The following NT5C2 variants were observed in gnomAD, a reference collection of about 807,000 sequenced individuals.
The protein encoded by NT5C2 is cytosolic purine 5'-nucleotidase.
NT5C2 carries 58 observed loss-of-function variants against 76.1 expected under a neutral mutation model. That is an observed-to-expected ratio of 0.76 (90% CI 0.62 to 0.95). The LOEUF (loss-of-function observed/expected upper bound fraction) is 0.95, where lower values mean the gene tolerates loss of function less well. Ranked by LOEUF, NT5C2 falls within the 40% of genes least tolerant of loss-of-function variation. NT5C2 has a pLI of 0.00. For missense variants in NT5C2, 478 were observed against 690.3 expected (o/e 0.69, Z 3.45); for synonymous variants, 229 against 237.4 (o/e 0.96, Z 0.32).
rs545436466 is a variant in NT5C2 at position 103,176,683 on chromosome 10, C to T, written c.-24-1701G>A. Among the ~76,000 whole-genome samples, 16 of 152,202 alleles carry T rather than the reference C, an allele frequency of 1.1e-4. No homozygotes were observed. The East Asian group carries it at 1.9e-3, about 18-fold the overall frequency. Reference sequence around the variant, plus strand: ...AGTAGCTGGGACCACAGGCAGAGACCGGGGCGAGGGGGTCTCTACAAAAAG... The same window carrying T: ...AGTAGCTGGGACCACAGGCAGAGACTGGGGCGAGGGGGTCTCTACAAAAAG... On this transcript the variant is annotated intron_variant, in intron 2 of 18. Coordinates refer to ENST00000404739, the MANE Select transcript of NT5C2 (RefSeq NM_001351169.2).
At chr10:103,095,199 A>G (rs1203410280) in intron 12 of NT5C2, among the ~76,000 whole-genome samples, 1 of 152,194 alleles carries the variant, frequency 6.6e-6, no homozygotes, top group Non-Finnish European at 1.5e-5. Flanking sequence ...TCTCAGAATG[A>G]TGGCTCTAGG....
In NT5C2 at chr10:103,093,322, A is replaced by C. The variant is rs374338400; in HGVS notation, c.989-13T>G. The C allele has an allele frequency of 3.9e-5, 60 of 1,530,016 alleles. No individual in the cohort carries two copies. Among genetic ancestry groups the C allele is most frequent in the African/African-American group, 7.0e-5 (5 of 71,110 alleles). The allele number at this position is 1,530,016 out of a possible 1,614,324, so 94.8% of individuals were successfully genotyped here. On this transcript the variant is annotated splice_polypyrimidine_tract_variant and intron_variant, in intron 14 of 18. Coordinates refer to ENST00000404739, the MANE Select transcript of NT5C2 (RefSeq NM_001351169.2). ...GTATCAGAAGAACCTGAACCAACAG[A>C]GTGAACAATGAGAAAACTGTCCCTA...
intron 3 of NT5C2, among the ~76,000 whole-genome samples, chr10:103,157,839 C>G (rs1428817964): frequency 1.3e-5 from 2 of 152,066 alleles, no homozygotes; most frequent in Non-Finnish European, 2.9e-5. Context: ...CTCTGGGAGG[C>G]TGAGGCGGAC....
chr10:103,151,473 A>C lies in NT5C2; in HGVS notation c.102-11994T>G, dbSNP rs184448867. Among the ~76,000 whole-genome samples, 949 of 151,442 alleles carry C rather than the reference A, an allele frequency of 6.3e-3. 5 individuals carry two copies. The highest frequency in any genetic ancestry group is 0.02 in the African/African-American group (822 of 41,312). On this transcript the variant is annotated intron_variant, in intron 3 of 18. Coordinates refer to ENST00000404739, the MANE Select transcript of NT5C2 (RefSeq NM_001351169.2). ...GAGTGAAACCTGTTCTTAAAAAAAA[A>C]AAAAAACACTAGCCTCTCGCCATTG...
intron 1 of NT5C2, among the ~76,000 whole-genome samples, chr10:103,182,592 G>A (rs1474738519): frequency 3.3e-5 from 5 of 151,426 alleles, no homozygotes; most frequent in East Asian, 1.9e-4. Context: ...CCGAGATCCC[G>A]CCACTGTACT....
intron 9 of NT5C2, 43 bp from the exon 10 acceptor site, chr10:103,099,027 A>G (rs2068887467): frequency 1.4e-6 from 2 of 1,458,942 alleles, no homozygotes; most frequent in East Asian, 4.6e-5. Flanking sequence ...GAACAAAATC[A>G]GTTTTTAACA....
At chr10:103,133,470 A>G (rs2078619693) in intron 4 of NT5C2, among the ~76,000 whole-genome samples, 2 of 152,266 alleles carry the variant, frequency 1.3e-5, no homozygotes, top group African/African-American at 4.8e-5. Flanking sequence ...CATGTTGGCC[A>G]GGCAGGTCTC....
chr10:103,092,091 T>G (rs552360742), intron 15 of NT5C2, among the ~76,000 whole-genome samples: 1 of 152,208 alleles, frequency 6.6e-6, no homozygotes, highest in African/African-American at 2.4e-5. Context: ...AGCCAGAAAA[T>G]CCCACTGATA....
chr10:103,166,098 G>A (rs766604133), intron 3 of NT5C2, among the ~76,000 whole-genome samples: 1 of 152,262 alleles, frequency 6.6e-6, no homozygotes, highest in Non-Finnish European at 1.5e-5. Flanking sequence ...GGGAAATCTT[G>A]TGCCATATAG....
chr10:103,098,037 G>C (rs2068631486), intron 10 of NT5C2: 1 of 527,460 alleles, frequency 1.9e-6, no homozygotes, highest in Non-Finnish European at 3.9e-6. Flanking sequence ...CTGAAAACAA[G>C]AAATCTTTAC....
At position 103,091,718 on chromosome 10, in the gene NT5C2, A is replaced by G. The variant is rs1260436232; in HGVS notation, c.1160-103T>C. On this transcript the variant is annotated intron_variant, in intron 15 of 18. Transcript: ENST00000404739. ...GGTTGCAGATGTGACTGGAAAGTAG[A>G]ACCTGGGACTAACATGCTGAGTGTA... 4 of 887,900 alleles carry G rather than the reference A, an allele frequency of 4.5e-6. No homozygotes were observed. In the African/African-American group the frequency reaches 6.7e-5, roughly 15 times the overall value. 55.0% of individuals were successfully genotyped at this position (887,900 alleles called of 1,614,324 possible).
intron 3 of NT5C2, among the ~76,000 whole-genome samples, chr10:103,159,602 T>C (rs2084305936): frequency 6.6e-6 from 1 of 150,616 alleles, no homozygotes; most frequent in African/African-American, 2.4e-5. Flanking sequence ...TGAGCTATGA[T>C]CATGTCACTG....
intron 4 of NT5C2, among the ~76,000 whole-genome samples, chr10:103,129,139 C>A (rs1478956106): frequency 3.2e-5 from 4 of 124,508 alleles, no homozygotes; most frequent in Admixed American, 7.4e-5. Context: ...GTCAGCCCCC[C>A]GCCCGGCCAG....
chr10:103,143,610 T>G (rs1430892222), intron 3 of NT5C2, among the ~76,000 whole-genome samples: 3 of 133,070 alleles, frequency 2.3e-5, no homozygotes, highest in South Asian at 2.5e-4. Context: ...CTATTTTTTT[T>G]TTTTTTTTTT....
chr10:103,179,105 T>A (rs140518373), intron 2 of NT5C2, among the ~76,000 whole-genome samples: 307 of 151,676 alleles, frequency 2.0e-3, no homozygotes, highest in African/African-American at 7.1e-3. Flanking sequence ...CGCACCACCT[T>A]GCCCGGCTAA....
chr10:103,157,643 C>G (rs1023622857), intron 3 of NT5C2, among the ~76,000 whole-genome samples: 1 of 152,158 alleles, frequency 6.6e-6, no homozygotes, highest in African/African-American at 2.4e-5. Context: ...AATACACATT[C>G]TTGTCAAAAG....
intron 1 of NT5C2, among the ~76,000 whole-genome samples, chr10:103,188,139 G>A (rs561010166): frequency 3.3e-5 from 5 of 152,228 alleles, no homozygotes; most frequent in East Asian, 1.9e-4. Context: ...GGTGGATCAC[G>A]AGGTCAGGAG....
intron 4 of NT5C2, among the ~76,000 whole-genome samples, chr10:103,137,513 T>C (rs572483209): frequency 6.6e-6 from 1 of 152,368 alleles, no homozygotes; most frequent in East Asian, 1.9e-4. Flanking sequence ...ACACGTATTA[T>C]TCATTCACAT....
intron 3 of NT5C2, among the ~76,000 whole-genome samples, chr10:103,148,495 T>C (rs2081884393): frequency 6.6e-6 from 1 of 151,852 alleles, no homozygotes; most frequent in Non-Finnish European, 1.5e-5. Flanking sequence ...TCCCAGCTAC[T>C]CGGGAGTCTA....
Sources: allele counts gnomAD v4.1 joint callset (sites outside exome capture counted in the v4.1 genomes callset), GRCh38; gene constraint gnomAD v4.1.1; transcripts MANE v1.5; gene names NCBI Gene and HGNC (gene_info 2026-07-23, HGNC 2026-07-21).